Variants in UBE3C observed in about 807,000 individuals in gnomAD.
UBE3C encodes the protein ubiquitin protein ligase E3C, also known as ubiquitin-protein ligase E3C.
In UBE3C, 42 loss-of-function variants were observed where a neutral mutation model predicts 129.4. The ratio of observed to expected loss-of-function variants is 0.32; its 90% CI spans 0.25 to 0.42. The LOEUF is 0.42. UBE3C is among the 10% of genes least tolerant of loss of function. The pLI is 1.00. For missense variants in UBE3C, 1,049 were observed against 1,319.1 expected (o/e 0.80, Z 3.17); for synonymous variants, 510 against 492.4 (o/e 1.04, Z -0.47).
intron 2 of UBE3C, among the ~76,000 whole-genome samples, chr7:157,166,317 TC>T (rs1808210015): frequency 6.6e-6 from 1 of 152,234 alleles, no homozygotes; most frequent in South Asian, 2.1e-4. Flanking sequence ...ATTCTTCACT[TC>T]CAGAATTTCT....
At chr7:157,208,377 A>G (rs1217965148) in intron 13 of UBE3C, among the ~76,000 whole-genome samples, 1 of 151,364 alleles carries the variant, frequency 6.6e-6, no homozygotes, top group African/African-American at 2.4e-5. Context: ...CAGCTGGCCT[A>G]TATACCTTTT....
intron 14 of UBE3C, among the ~76,000 whole-genome samples, chr7:157,218,780 TG>T (rs1563060980): frequency 6.6e-6 from 1 of 152,096 alleles, no homozygotes; most frequent in Non-Finnish European, 1.5e-5. Context: ...TGGCTGGGGC[TG>T]GGAGACAGGG....
chr7:157,224,692 T>C (rs867396015), intron 16 of UBE3C, among the ~76,000 whole-genome samples: 1 of 152,066 alleles, frequency 6.6e-6, no homozygotes, highest in Non-Finnish European at 1.5e-5. Flanking sequence ...TTTTTAGGCC[T>C]ATACACTCTA....
intron 10 of UBE3C, among the ~76,000 whole-genome samples, chr7:157,195,619 G>T (rs937668245): frequency 6.6e-6 from 1 of 152,200 alleles, no homozygotes; most frequent in Non-Finnish European, 1.5e-5. Context: ...CATGGGAGCA[G>T]ATAACTTGTT....
Position 157,216,835 on chromosome 7 carries a change from G to T in UBE3C, c.1810-32G>T, listed in dbSNP as rs368554632. 3.2e-6 allele frequency: 5 copies of T among 1,550,202 alleles called. No individual in the cohort carries two copies. The African/African-American group carries it at 4.1e-5, about 13-fold the overall frequency. ...CTGTGCATTGTGCTGCCGAGCTCAC[G>T]TGTGTGACGCGGATATGTTCTTTCT... On this transcript the variant is annotated intron_variant, in intron 13 of 22. Transcript: ENST00000348165.
At chr7:157,251,660 C>G (rs959288260) in intron 19 of UBE3C, among the ~76,000 whole-genome samples, 10 of 152,112 alleles carry the variant, frequency 6.6e-5, no homozygotes, top group Admixed American at 2.0e-4. Context: ...AAGGACAGCT[C>G]TTGGTATCTT....
At chr7:157,187,519 C>T (rs1808842674) in intron 10 of UBE3C, among the ~76,000 whole-genome samples, 1 of 151,582 alleles carries the variant, frequency 6.6e-6, no homozygotes, top group South Asian at 2.1e-4. Context: ...GTAGCTGGGA[C>T]CACAGGTGTG....
Position 157,207,636 on chromosome 7 carries a change from T to C in UBE3C, c.1577-67T>C, listed in dbSNP as rs554557835. Reference sequence around the variant, plus strand: ...AGACAGTAGAAAAGTTTTAAGCTTTTTAAGTCTTTCAGTGTGTGTTAAAAG... The same window carrying C: ...AGACAGTAGAAAAGTTTTAAGCTTTCTAAGTCTTTCAGTGTGTGTTAAAAG... On this transcript the variant is annotated intron_variant, in intron 12 of 22. Coordinates refer to ENST00000348165, the MANE Select transcript of UBE3C (RefSeq NM_014671.3). The C allele has an allele frequency of 5.0e-6, 8 of 1,586,386 alleles. No individual in the cohort carries two copies. The Admixed American group carries it at 7.5e-5, about 15-fold the overall frequency.
In UBE3C at chr7:157,160,849, T is replaced by C. The variant is rs114467100; in HGVS notation, c.67-2961T>C. ...GATTCTGTGAGGAAAAGAGTTTTCT[T>C]TTCCTTGTTTATTGATTTGGTTATT... On this transcript the variant is annotated intron_variant, in intron 1 of 22. Coordinates refer to ENST00000348165, the MANE Select transcript of UBE3C (RefSeq NM_014671.3). Among the ~76,000 whole-genome samples the C allele has an allele frequency of 2.0e-3, 299 of 152,338 alleles. 1 individual carries two copies. Among genetic ancestry groups the C allele is most frequent in the African/African-American group, 6.6e-3 (276 of 41,592 alleles).
chr7:157,231,401 A>G, intron 18 of UBE3C, 74 bp downstream of exon 18: 1 of 1,564,512 alleles, frequency 6.4e-7, no homozygotes, highest in Non-Finnish European at 8.6e-7. Context: ...TGTGGTTGTT[A>G]TCCAGGTTTA....
At chr7:157,172,706 T>A (rs1222440419) in intron 4 of UBE3C, among the ~76,000 whole-genome samples, 1 of 152,156 alleles carries the variant, frequency 6.6e-6, no homozygotes, top group Non-Finnish European at 1.5e-5. Flanking sequence ...CTGAAGTTGT[T>A]GAAAAAAAGA....
In UBE3C at chr7:157,260,315, G is replaced by A. The variant is rs73743400; in HGVS notation, c.3081+3271G>A. ...GACTTTGAGACAGGGCCAGGAAAAC[G>A]CTGCCGCCTACAAGCAACACACCTA... On this transcript the variant is annotated intron_variant, in intron 22 of 22. Coordinates refer to ENST00000348165, the MANE Select transcript of UBE3C (RefSeq NM_014671.3). 5.1e-3 allele frequency among the ~76,000 whole-genome samples: 784 copies of A among 152,304 alleles called. 5 individuals carry two copies. The highest frequency in any genetic ancestry group is 0.018 in the African/African-American group (752 of 41,566).
intron 11 of UBE3C, among the ~76,000 whole-genome samples, chr7:157,206,617 C>G (rs189221342): frequency 6.6e-5 from 10 of 151,310 alleles, no homozygotes; most frequent in African/African-American, 2.4e-4. Flanking sequence ...GAAACAGAGT[C>G]TGGCTCTGTT....
intron 18 of UBE3C, among the ~76,000 whole-genome samples, chr7:157,238,583 G>A (rs1201943224): frequency 6.6e-6 from 1 of 152,172 alleles, no homozygotes; most frequent in Non-Finnish European, 1.5e-5. Context: ...GGAAAGGTGC[G>A]GGCAGGAGCA....
chr7:157,219,640 A>G (rs971440340), intron 14 of UBE3C, among the ~76,000 whole-genome samples: 1 of 152,202 alleles, frequency 6.6e-6, no homozygotes, highest in African/African-American at 2.4e-5. Context: ...GGAGGCTCAC[A>G]TCTGTAATCC....
At chr7:157,260,372 G>A (rs1476389425) in intron 22 of UBE3C, among the ~76,000 whole-genome samples, 2 of 152,182 alleles carry the variant, frequency 1.3e-5, no homozygotes, top group East Asian at 1.9e-4. Flanking sequence ...TTAGTGGCAC[G>A]TCCAGGTTCG....
intron 13 of UBE3C, among the ~76,000 whole-genome samples, chr7:157,210,174 C>T (rs2117015853): frequency 6.6e-6 from 1 of 151,416 alleles, no homozygotes; most frequent in Admixed American, 6.6e-5. Flanking sequence ...GACTCTCTCT[C>T]CAAAAAAAAA....
At chr7:157,182,849 A>G (rs554973340) in intron 8 of UBE3C, among the ~76,000 whole-genome samples, 64 of 152,204 alleles carry the variant, frequency 4.2e-4, no homozygotes, top group African/African-American at 1.4e-3. Flanking sequence ...CCCGGGTTCA[A>G]GTGATTCTCC....
intron 10 of UBE3C, chr7:157,198,460 TG>T (rs1461901270): frequency 8.2e-6 from 4 of 489,020 alleles, no homozygotes; most frequent in Non-Finnish European, 1.5e-5. Context: ...GGCCACAGCC[TG>T]GAAGATCTCC....
Sources: allele counts gnomAD v4.1 joint callset (sites outside exome capture counted in the v4.1 genomes callset), GRCh38; gene constraint gnomAD v4.1.1; transcripts MANE v1.5; gene names NCBI Gene and HGNC (gene_info 2026-07-23, HGNC 2026-07-21).